INTS6L: variants seen among roughly 807,000 people sequenced by gnomAD.
INTS6L encodes integrator complex subunit 6 like, also known as integrator complex subunit 6-like.
Under a neutral mutation model 64.7 loss-of-function variants are expected in INTS6L, and 18 were observed. The observed-to-expected ratio is 0.28, with a 90% CI of 0.19 to 0.41. The LOEUF is 0.41. Among genes scored for constraint, INTS6L ranks in the 10% least tolerant of loss-of-function variants. The probability of loss-of-function intolerance (pLI) is 1.00; values close to 1 mark genes in which losing one functional copy is unlikely to be tolerated. For missense variants in INTS6L, 533 were observed against 661.0 expected (o/e 0.81, Z 2.12); for synonymous variants, 227 against 235.9 (o/e 0.96, Z 0.34).
Position 135,573,919 on chromosome X carries a change from A to C in INTS6L, c.1618-20A>C. On this transcript the variant is annotated intron_variant, in intron 12 of 17. Coordinates refer to ENST00000639893, the MANE Select transcript of INTS6L (RefSeq NM_001351601.3). ...AAAAGCCTTAGGAGTAACTGAAATT[A>C]TTTGTTTCATTTCAAATAGGATTTG... 2.5e-6 allele frequency: 3 copies of C among 1,177,692 alleles called. No individual in the cohort carries two copies. The highest frequency in any genetic ancestry group is 3.4e-6 in the Non-Finnish European group (3 of 881,501).
intron 7 of INTS6L, among the ~76,000 whole-genome samples, chrX:135,551,070 T>A (rs1262478999): frequency 2.7e-5 from 3 of 112,513 alleles, no homozygotes; most frequent in African/African-American, 9.7e-5. Context: ...GAGCTATTTT[T>A]CTCAACCCCC....
chrX:135,543,032 T>C (rs933478071), intron 2 of INTS6L, among the ~76,000 whole-genome samples: 1 of 111,325 alleles, frequency 9.0e-6, no homozygotes, highest in Non-Finnish European at 1.9e-5. Context: ...TGCAACCTCC[T>C]CTCCATCCCC....
At chrX:135,567,827 A>G (rs1556525533) in intron 9 of INTS6L, among the ~76,000 whole-genome samples, 1 of 112,216 alleles carries the variant, frequency 8.9e-6, no homozygotes. Flanking sequence ...CCTACATTTT[A>G]TGACTTTGTA....
intron 1 of INTS6L, 45 bp from the exon 2 acceptor site, chrX:135,521,196 C>A: frequency 8.4e-7 from 1 of 1,190,215 alleles, no homozygotes; most frequent in Non-Finnish European, 1.1e-6. Flanking sequence ...TCGCCCTCCC[C>A]CCTCCTTTCC....
At chrX:135,565,660 A>G (rs1381953045) in intron 9 of INTS6L, among the ~76,000 whole-genome samples, 3 of 111,831 alleles carry the variant, frequency 2.7e-5, no homozygotes, top group Non-Finnish European at 3.8e-5. Context: ...TGGTTGCCCA[A>G]CAGCCTTCTG....
At position 135,556,016 on chromosome X, in the gene INTS6L, A is replaced by G. The variant is rs2086640220; in HGVS notation, c.1060-152A>G. 5.6e-6 allele frequency: 3 copies of G among 532,968 alleles called. No homozygotes were observed. The African/African-American group carries it at 7.3e-5, about 13-fold the overall frequency. The allele number at this position is 532,968 out of a possible 1,213,427, so 43.9% of individuals were successfully genotyped here. A position where few individuals can be genotyped will look rare whatever the true frequency, so the allele number is the denominator to read the frequency against. Reference sequence around the variant, plus strand: ...ACATGAGCCTGGCCTAGTATAATATATTTTGACATAACCATAGGCTAAAAA... The same window carrying G: ...ACATGAGCCTGGCCTAGTATAATATGTTTTGACATAACCATAGGCTAAAAA... On this transcript the variant is annotated intron_variant, in intron 8 of 17. Transcript: ENST00000639893.
chrX:135,576,756 T>G (rs1297511425), intron 14 of INTS6L, among the ~76,000 whole-genome samples: 1 of 112,617 alleles, frequency 8.9e-6, no homozygotes, highest in Admixed American at 9.4e-5. Context: ...ATCAATGTTG[T>G]TTAATGATAT....
intron 17 of INTS6L, 31 bp downstream of exon 17, chrX:135,581,174 T>C: frequency 9.1e-7 from 1 of 1,096,810 alleles, no homozygotes; most frequent in South Asian, 2.2e-5. Flanking sequence ...TTCAATTTTT[T>C]GTTTTTGTTT....
At chrX:135,569,607 C>T (rs2087044143) in intron 10 of INTS6L, 176 bp downstream of exon 10, 6 of 281,725 alleles carry the variant, frequency 2.1e-5, no homozygotes, top group Admixed American at 6.5e-5. Flanking sequence ...GATGTCATGG[C>T]GGCACAAAAG....
chrX:135,544,699 G>A (rs1353544118), intron 2 of INTS6L, among the ~76,000 whole-genome samples: 1 of 111,962 alleles, frequency 8.9e-6, no homozygotes, highest in Non-Finnish European at 1.9e-5. Context: ...CAGTCAGCAC[G>A]ATCCTTTCCT....
At chrX:135,559,686 TG>T (rs782565365) in intron 9 of INTS6L, among the ~76,000 whole-genome samples, 1 of 112,661 alleles carries the variant, frequency 8.9e-6, no homozygotes, top group South Asian at 3.7e-4. Flanking sequence ...CTATGGTAGT[TG>T]CATGTTTAGT....
chrX:135,566,477 A>G (rs1556524881), intron 9 of INTS6L, among the ~76,000 whole-genome samples: 15 of 111,995 alleles, frequency 1.3e-4, no homozygotes, highest in Non-Finnish European at 3.8e-5. Context: ...ATAAGTCCAG[A>G]AGCATCACTA....
In INTS6L at chrX:135,577,201, G is replaced by T; in HGVS notation, c.1893G>T (p.Met631Ile). Residue 631 changes from methionine (M) to isoleucine (I), a missense_variant, in exon 15 of 18, where the codon ATG (methionine) becomes ATT (isoleucine). Met to Ile is a conservative substitution (Grantham distance 10). Coordinates refer to ENST00000639893, the MANE Select transcript of INTS6L (RefSeq NM_001351601.3). ...ATTTATGTGTTTTTTAGGGAATGAT[G>T]ATTGATGAAGCAGATGAGTTTGTAG... The part of the protein sequence containing the change: ...NPFKQDKKGM[M>I]IDEADEFVAG... 8.3e-7 allele frequency: 1 copy of T among 1,210,101 alleles called. No homozygotes were observed. The highest frequency in any genetic ancestry group is 1.1e-6 in the Non-Finnish European group (1 of 894,603).
At chrX:135,539,267 G>C (rs1164454731) in intron 2 of INTS6L, among the ~76,000 whole-genome samples, 3 of 112,402 alleles carry the variant, frequency 2.7e-5, no homozygotes, top group Non-Finnish European at 5.6e-5. Flanking sequence ...TGGATAACTT[G>C]CTACAGCTTC....
chrX:135,531,139 G>A (rs2085895355), intron 2 of INTS6L, among the ~76,000 whole-genome samples: 2 of 112,110 alleles, frequency 1.8e-5, no homozygotes, highest in Non-Finnish European at 3.8e-5. Flanking sequence ...ATTTACTGTC[G>A]AGCTACTTGG....
At chrX:135,539,750 T>C (rs1556511708) in intron 2 of INTS6L, among the ~76,000 whole-genome samples, 1 of 111,653 alleles carries the variant, frequency 9.0e-6, no homozygotes, top group African/African-American at 3.3e-5. Context: ...GGGTCACTAA[T>C]TGGCCTGATT....
chrX:135,545,335 G>A, intron 2 of INTS6L, 88 bp from the exon 3 acceptor site: 5 of 1,084,303 alleles, frequency 4.6e-6, no homozygotes, highest in Non-Finnish European at 6.3e-6. Flanking sequence ...TAATTTCTTA[G>A]AGTTTTGATA....
In INTS6L at chrX:135,580,090, C is replaced by T. The variant is rs377687772; in HGVS notation, c.2422C>T (p.Pro808Ser). 9.2e-5 allele frequency: 110 copies of T among 1,201,279 alleles called. No individual in the cohort carries two copies. The highest frequency in any genetic ancestry group is 1.6e-4 in the Admixed American group (7 of 44,728). ...GAMPNTLQIT[P>S]AMAQGINADI... ...TATGCCAAATACATTACAAATCACT[C>T]CTGCTATGGCACAAGGAATCAATGC... is the stretch of plus-strand genomic sequence containing the variant. Residue 808 changes from proline to serine, a missense_variant, in exon 16 of 18, where the codon CCT (proline) becomes TCT (serine). Physicochemically the swap from Pro to Ser is moderately conservative, Grantham distance 74. Transcript: ENST00000639893.
At chrX:135,569,801 G>T (rs1385621313) in intron 10 of INTS6L, 1 of 114,301 alleles carries the variant, frequency 8.7e-6, no homozygotes, top group African/African-American at 3.2e-5. Flanking sequence ...GTTTCCCTCT[G>T]GAAAAAGAAA....
Sources: gnomAD v4.1 joint callset for allele counts (sites outside exome capture counted in the v4.1 genomes callset) on GRCh38, gnomAD v4.1.1 for gene constraint, MANE v1.5 for transcripts, NCBI Gene and HGNC (gene_info 2026-07-23, HGNC 2026-07-21) for gene names.